The following TSPAN14 variants were observed in gnomAD, a reference collection of about 807,000 sequenced individuals.
The protein encoded by TSPAN14 is tetraspanin-14.
Under a neutral mutation model 36.6 loss-of-function variants are expected in TSPAN14, and 16 were observed. That is an observed-to-expected ratio of 0.44 (90% confidence interval 0.30 to 0.66). TSPAN14 has a LOEUF of 0.66. Among genes scored for constraint, TSPAN14 ranks in the 30% least tolerant of loss-of-function variants. The pLI is 0.12. For synonymous variants in TSPAN14, 139 were observed against 143.8 expected, an observed-to-expected ratio of 0.97 and a Z score of 0.24; for missense variants, 231 against 355.1, an observed-to-expected ratio of 0.65 and a Z score of 2.81.
At chr10:80,477,625 T>C (rs74384726) in intron 1 of TSPAN14, among the ~76,000 whole-genome samples, 2,375 of 152,260 alleles carry the variant, frequency 0.016, 80 homozygotes, top group East Asian at 0.079. Context: ...GGTTGCTGAG[T>C]ACAAGAATAG....
chr10:80,522,461 A>C (rs1246476721), exon 9 of TSPAN14: 1 of 152,234 alleles, frequency 6.6e-6, no homozygotes, highest in East Asian at 1.9e-4. Flanking sequence ...CAACGAGCCA[A>C]GATCGAGCCA....
intron 2 of TSPAN14, among the ~76,000 whole-genome samples, chr10:80,503,526 G>A (rs1292670565): frequency 6.6e-6 from 1 of 152,080 alleles, no homozygotes; most frequent in East Asian, 1.9e-4. Flanking sequence ...ATTGGTTCTT[G>A]GTGGGGGTTC....
chr10:80,521,729 C>T (rs916066777), exon 9 of TSPAN14: 3 of 152,128 alleles, frequency 2.0e-5, no homozygotes, highest in Non-Finnish European at 2.9e-5. Flanking sequence ...GTTCACCATC[C>T]TGGCTAATAC....
rs562102675 is a variant in TSPAN14, at chr10:80,471,405, T to C, written c.-18+17034T>C. On this transcript the variant is annotated intron_variant, in intron 1 of 8. Coordinates refer to ENST00000429989, the Ensembl canonical transcript of TSPAN14. ...TCCTGAGGTCTGGAGGCACAGCACCTTGGACTCCCTGGGTTCTTGTTCACA... is the reference window on the plus strand; with the variant it reads ...TCCTGAGGTCTGGAGGCACAGCACCCTGGACTCCCTGGGTTCTTGTTCACA... Among the ~76,000 whole-genome samples the C allele has an allele frequency of 2.6e-5, 4 of 152,244 alleles. No homozygotes were observed. In the South Asian group the frequency reaches 8.3e-4, roughly 32 times the overall value.
chr10:80,475,558 G>C (rs1846818880), intron 1 of TSPAN14, among the ~76,000 whole-genome samples: 1 of 152,142 alleles, frequency 6.6e-6, no homozygotes, highest in Non-Finnish European at 1.5e-5. Flanking sequence ...TCTGTTCTGA[G>C]TTGATGTTCT....
At position 80,509,549 on chromosome 10, in the gene TSPAN14, C is replaced by T; in HGVS notation, c.450+78C>T. 2 of 1,484,580 alleles carry T rather than the reference C, an allele frequency of 1.3e-6. No individual in the cohort carries two copies. The highest frequency in any genetic ancestry group is 1.4e-5 in the African/African-American group (1 of 71,864). 92.0% of individuals were successfully genotyped at this position (1,484,580 alleles called of 1,614,324 possible). A position where few individuals can be genotyped will look rare whatever the true frequency, so the allele number is the denominator to read the frequency against. ...CTGGAGCTGAGTCTAGCAGGGGCAT[C>T]AGGCCTTCTCTGTGGGTTGTCTGCC... On this transcript the variant is annotated intron_variant, in intron 5 of 8. Coordinates refer to ENST00000429989, the Ensembl canonical transcript of TSPAN14. The surrounding 1 kb of genome is among the most constrained non-coding windows in gnomAD (Gnocchi z 4.7).
intron 1 of TSPAN14, among the ~76,000 whole-genome samples, chr10:80,464,038 T>C (rs946294482): frequency 1.3e-5 from 2 of 152,130 alleles, no homozygotes; most frequent in African/African-American, 2.4e-5. Context: ...CCAGAGCGAG[T>C]TGGGGTGTAG....
intron 2 of TSPAN14, among the ~76,000 whole-genome samples, chr10:80,494,778 A>G (rs1848103706): frequency 6.6e-6 from 1 of 152,176 alleles, no homozygotes; most frequent in Admixed American, 6.5e-5. Context: ...GTGTTTTAAT[A>G]ATGTATATAG....
In TSPAN14 at chr10:80,500,314, CTTTTTTTTTTTTTTTTTT is replaced by C. The variant is rs144759161; in HGVS notation, c.82-4399_82-4382del. ...AATGAAAACAACACAAGGCCTTATT[CTTTTTTTTTTTTTTTTTT>C]TTTTTTTTTTTTTTGAGACGAAGTT... On this transcript the variant is annotated intron_variant, in intron 2 of 8. Coordinates refer to ENST00000429989, the Ensembl canonical transcript of TSPAN14. 1.0e-4 allele frequency among the ~76,000 whole-genome samples: 5 copies of C among 47,890 alleles called. No individual in the cohort carries two copies. The East Asian group carries it at 2.9e-3, about 28-fold the overall frequency. The allele number at this position is 47,890 out of a possible 152,430, so 31.4% of individuals were successfully genotyped here.
chr10:80,517,473 G>A (rs1840997925), intron 8 of TSPAN14, among the ~76,000 whole-genome samples: 1 of 152,238 alleles, frequency 6.6e-6, no homozygotes, highest in East Asian at 1.9e-4. Context: ...CCAAAATTGG[G>A]GATGGCCTTG....
intron 1 of TSPAN14, among the ~76,000 whole-genome samples, chr10:80,464,997 C>T (rs1846161729): frequency 6.6e-6 from 1 of 152,164 alleles, no homozygotes; most frequent in South Asian, 2.1e-4. Flanking sequence ...CACTCCAAGG[C>T]CCATCATGTG....
At chr10:80,493,623 G>A (rs1848039637) in intron 2 of TSPAN14, among the ~76,000 whole-genome samples, 1 of 152,226 alleles carries the variant, frequency 6.6e-6, no homozygotes, top group South Asian at 2.1e-4. Flanking sequence ...TGAGTACATA[G>A]TGCTGAGTGA....
chr10:80,501,105 G>GTTTTTTTTT (rs10713598), intron 2 of TSPAN14, among the ~76,000 whole-genome samples: 2 of 140,004 alleles, frequency 1.4e-5, no homozygotes, highest in Non-Finnish European at 3.1e-5. Flanking sequence ...AACTGACGCT[G>GTTTTTTTTT]TTTTTTTTTT....
intron 2 of TSPAN14, among the ~76,000 whole-genome samples, chr10:80,503,392 GA>G (rs1848636148): frequency 6.6e-6 from 1 of 152,144 alleles, no homozygotes; most frequent in Non-Finnish European, 1.5e-5. Context: ...AATATTTGTT[GA>G]ATGAATGAGT....
At chr10:80,465,166 G>C (rs1267822673) in intron 1 of TSPAN14, among the ~76,000 whole-genome samples, 1 of 152,098 alleles carries the variant, frequency 6.6e-6, no homozygotes, top group African/African-American at 2.4e-5. Context: ...ACTGCTTTGG[G>C]GAGTGAGTTC....
chr10:80,511,948 G>C (rs1005821481), intron 5 of TSPAN14, among the ~76,000 whole-genome samples, 196 bp from the exon 6 acceptor site: 1 of 152,014 alleles, frequency 6.6e-6, no homozygotes. Context: ...ACTACGCCTA[G>C]CTGTTTTCTT....
In TSPAN14 at chr10:80,484,452, G is replaced by A. The variant is rs76376149; in HGVS notation, c.-17-4765G>A. On this transcript the variant is annotated intron_variant, in intron 1 of 8. Coordinates refer to ENST00000429989, the Ensembl canonical transcript of TSPAN14. ...CGATTATCCCGCCTCAGCCTCCCAC[G>A]TAGCTGGGACTTCAGTCACCACACC... 7.7e-3 allele frequency among the ~76,000 whole-genome samples: 1,167 copies of A among 152,168 alleles called. 9 individuals carry two copies. Among genetic ancestry groups the A allele is most frequent in the African/African-American group, 0.024 (997 of 41,502 alleles).
chr10:80,520,230 C>T (rs1841187646), exon 9 of TSPAN14: 1 of 221,094 alleles, frequency 4.5e-6, no homozygotes, highest in Admixed American at 5.3e-5. Context: ...CCATCTATTC[C>T]TGTAGACCTG....
At chr10:80,469,791 T>C (rs569780550) in intron 1 of TSPAN14, among the ~76,000 whole-genome samples, 39 of 152,284 alleles carry the variant, frequency 2.6e-4, no homozygotes, top group South Asian at 1.0e-3. Context: ...TGTAAATCTT[T>C]TTCCCCCAGG....
Sources: allele counts gnomAD v4.1 joint callset (sites outside exome capture counted in the v4.1 genomes callset), GRCh38; gene constraint gnomAD v4.1.1; non-coding constraint Gnocchi (gnomAD v3.1); transcripts MANE v1.5; gene names NCBI Gene and HGNC (gene_info 2026-07-23, HGNC 2026-07-21).